Variants in CEP89 observed in about 807,000 individuals in gnomAD.
The protein encoded by CEP89 is centrosomal protein 89.
CEP89 carries 95 observed loss-of-function variants against 97.6 expected under a neutral mutation model. The ratio of observed to expected loss-of-function variants is 0.97; its 90% CI spans 0.82 to 1.15. The LOEUF (loss-of-function observed/expected upper bound fraction) is 1.15, where lower values mean the gene tolerates loss of function less well. Among genes scored for constraint, CEP89 ranks in the 50% most tolerant of loss-of-function variants. The pLI is 0.00. For missense variants in CEP89, 869 were observed against 947.7 expected (o/e 0.92, Z 1.09); for synonymous variants, 354 against 349.1 (o/e 1.01, Z -0.16).
intron 7 of CEP89, among the ~76,000 whole-genome samples, chr19:32,934,538 G>A (rs993006965): frequency 5.9e-5 from 9 of 152,136 alleles, no homozygotes; most frequent in South Asian, 4.1e-4. Flanking sequence ...CCACACAGAC[G>A]AGGGCAGGAT....
chr19:32,966,076 A>C (rs979163474), intron 2 of CEP89: 2 of 310,590 alleles, frequency 6.4e-6, no homozygotes, highest in African/African-American at 4.3e-5. Flanking sequence ...TGTTAACCTG[A>C]ATACTTGGGC....
chr19:32,957,793 G>C (rs908153786), intron 3 of CEP89, among the ~76,000 whole-genome samples: 6 of 152,132 alleles, frequency 3.9e-5, no homozygotes, highest in African/African-American at 1.4e-4. Context: ...CTGAGTGACA[G>C]AGCAAGACTC....
chr19:32,916,265 G>C (rs570248270), intron 13 of CEP89, among the ~76,000 whole-genome samples: 7 of 152,120 alleles, frequency 4.6e-5, no homozygotes, highest in Non-Finnish European at 7.3e-5. Context: ...ATGACACAGC[G>C]AGACCTTGTC....
At position 32,923,439 on chromosome 19, in the gene CEP89, C is replaced by T; in HGVS notation, c.1268G>A (p.Trp423Ter). 1 of 1,519,588 alleles carries T rather than the reference C, an allele frequency of 6.6e-7. No individual in the cohort carries two copies. Among genetic ancestry groups the T allele is most frequent in the Non-Finnish European group, 9.1e-7 (1 of 1,099,510 alleles). The allele number at this position is 1,519,588 out of a possible 1,614,324, so 94.1% of individuals were successfully genotyped here. A position where few individuals can be genotyped will look rare whatever the true frequency, so the allele number is the denominator to read the frequency against. The change falls in exon 12 of 19, where the codon TGG becomes TAG. Residue 423 changes from tryptophan to a stop codon, truncating the protein, a stop_gained and splice_region_variant. Coordinates refer to ENST00000305768, the MANE Select transcript of CEP89 (RefSeq NM_032816.5). LOFTEE classifies it high-confidence loss of function. Reference sequence around the variant, plus strand: ...AGAGCAGAAACACAATGCCACTTGCCATTCCTCACTGGTAACAGCACTACT... The same window carrying T: ...AGAGCAGAAACACAATGCCACTTGCTATTCCTCACTGGTAACAGCACTACT... ...NKSSAVTSEEWRQLQTQAKLV... is the reference protein window; with the variant it reads ...NKSSAVTSEE
At chr19:32,897,001 A>G (rs1969657424) in intron 16 of CEP89, among the ~76,000 whole-genome samples, 1 of 152,242 alleles carries the variant, frequency 6.6e-6, no homozygotes, top group Non-Finnish European at 1.5e-5. Context: ...AATGGCTATC[A>G]TTAAAAAGAC....
At chr19:32,951,534 T>TATATATATACACAC (rs1407110112) in intron 4 of CEP89, among the ~76,000 whole-genome samples, 19 of 122,042 alleles carry the variant, frequency 1.6e-4, no homozygotes, top group Middle Eastern at 4.1e-3. Context: ...TATATATATA[T>TATATATATACACAC]ACACACACAC....
At chr19:32,886,559 C>G (rs1969399315) in intron 17 of CEP89, among the ~76,000 whole-genome samples, 1 of 152,196 alleles carries the variant, frequency 6.6e-6, no homozygotes, top group Non-Finnish European at 1.5e-5. Context: ...CAAGCCTTTT[C>G]TCTTCATTCC....
intron 4 of CEP89, among the ~76,000 whole-genome samples, chr19:32,953,351 A>G (rs1421819851): frequency 6.6e-6 from 1 of 152,026 alleles, no homozygotes; most frequent in Non-Finnish European, 1.5e-5. Context: ...GGTCAAAGAA[A>G]AGAACGAGAT....
chr19:32,962,835 C>T (rs1971198204), intron 2 of CEP89, among the ~76,000 whole-genome samples: 1 of 152,172 alleles, frequency 6.6e-6, no homozygotes, highest in Admixed American at 6.5e-5. Context: ...CAGGTCTCTG[C>T]TTACGTCTCC....
At chr19:32,915,921 A>G (rs1345421523) in intron 13 of CEP89, among the ~76,000 whole-genome samples, 4 of 5,514 alleles carry the variant, frequency 7.3e-4, no homozygotes, top group Admixed American at 4.6e-3. Context: ...TCTCTCAGAA[A>G]AAAAAAAAAA....
chr19:32,918,866 T>A (rs10404708), intron 12 of CEP89, among the ~76,000 whole-genome samples: 91,644 of 145,088 alleles, frequency 0.63, 29,285 homozygotes, highest in African/African-American at 0.73. Context: ...TTCTTTTTTC[T>A]TTTTTCTTTT....
At chr19:32,943,894 G>A (rs775787592) in intron 5 of CEP89, among the ~76,000 whole-genome samples, 4 of 152,000 alleles carry the variant, frequency 2.6e-5, no homozygotes, top group Non-Finnish European at 4.4e-5. Flanking sequence ...GTGGGGGTCC[G>A]TGGACGTGCA....
rs550090869 is a variant in CEP89, at chr19:32,947,808, CTTA to C, written c.595+455_595+457del. 8.8e-4 allele frequency among the ~76,000 whole-genome samples: 134 copies of C among 152,252 alleles called. 1 individual carries two copies. Among genetic ancestry groups the C allele is most frequent in the African/African-American group, 3.0e-3 (126 of 41,562 alleles). On this transcript the variant is annotated intron_variant, in intron 5 of 18. Transcript: ENST00000305768. ...ACAGGAGCGAGCCACCACACCCAGC[CTTA>C]TTTTCTTGAGACAGGGTCTCATTCT...
chr19:32,878,974 AAAATT>A lies in CEP89; in HGVS notation c.*183_*187del. ...GAGACCCTAGCTCTAAAAAAAAAAAAAAATTAAAAAATAAAGCAAAATGTTATCAA... is the reference window on the plus strand; with the variant it reads ...GAGACCCTAGCTCTAAAAAAAAAAAAAAAAAATAAAGCAAAATGTTATCAA... On this transcript the variant is annotated 3_prime_UTR_variant, in exon 19 of 19. Transcript: ENST00000305768. 1 of 466,280 alleles carries A rather than the reference AAAATT, an allele frequency of 2.1e-6. No homozygotes were observed. The allele number at this position is 466,280 out of a possible 1,614,324, so 28.9% of individuals were successfully genotyped here.
Position 32,878,401 on chromosome 19 carries a change from G to T in CEP89, c.*761C>A, listed in dbSNP as rs982518480. 8 of 152,418 alleles carry T rather than the reference G, an allele frequency of 5.2e-5. No individual in the cohort carries two copies. Among genetic ancestry groups the T allele is most frequent in the African/African-American group, 1.9e-4 (8 of 41,556 alleles). The allele number at this position is 152,418 out of a possible 1,614,324, so 9.4% of individuals were successfully genotyped here. The stretch of plus-strand genomic sequence containing the variant: ...GTTTTTTTTGACCAAACAAGAAAAG[G>T]CCCCCAGAGCTCACGCACAGCTATC... On this transcript the variant is annotated 3_prime_UTR_variant, in exon 19 of 19. Coordinates refer to ENST00000305768, the MANE Select transcript of CEP89 (RefSeq NM_032816.5).
At chr19:32,954,789 T>C in intron 3 of CEP89, among the ~76,000 whole-genome samples, 1 of 142,390 alleles carries the variant, frequency 7.0e-6, no homozygotes, top group Non-Finnish European at 1.6e-5. Flanking sequence ...CTCAGCCTCC[T>C]GAGTAGCTGG....
intron 2 of CEP89, among the ~76,000 whole-genome samples, chr19:32,965,588 C>T (rs761155335): frequency 2.0e-5 from 3 of 150,664 alleles, no homozygotes; most frequent in South Asian, 4.2e-4. Context: ...CCCAGCTACC[C>T]GGCGGGCTGA....
chr19:32,886,941 C>T (rs1320194500), intron 17 of CEP89, among the ~76,000 whole-genome samples: 51 of 146,934 alleles, frequency 3.5e-4, no homozygotes, highest in African/African-American at 1.2e-3. Context: ...TTGGGAGGGC[C>T]GAGTCAGGCA....
chr19:32,885,891 C>G (rs979625142), intron 17 of CEP89, among the ~76,000 whole-genome samples: 1 of 152,174 alleles, frequency 6.6e-6, no homozygotes. Context: ...GTCTGTCTTT[C>G]TCGGTTCTAG....
Sources: allele counts gnomAD v4.1 joint callset (sites outside exome capture counted in the v4.1 genomes callset), GRCh38; gene constraint gnomAD v4.1.1; transcripts MANE v1.5; gene names NCBI Gene and HGNC (gene_info 2026-07-23, HGNC 2026-07-21).